The following BOC variants were observed in gnomAD, a reference collection of about 807,000 sequenced individuals.
BOC encodes BOC cell adhesion associated, oncogene regulated, also known as brother of CDO.
A neutral mutation model predicts 112.0 loss-of-function variants in BOC; 76 were observed. That is an observed-to-expected ratio of 0.68 (90% CI 0.56 to 0.82). BOC has a LOEUF of 0.82. Ranked by LOEUF, BOC falls within the 40% of genes least tolerant of loss-of-function variation. The pLI is 0.00. For missense variants in BOC, 1,309 were observed against 1,511.7 expected (o/e 0.87, Z 2.22); for synonymous variants, 580 against 599.8 (o/e 0.97, Z 0.48).
chr3:113,258,147 A>G (rs1946431015), intron 4 of BOC, among the ~76,000 whole-genome samples: 1 of 152,218 alleles, frequency 6.6e-6, no homozygotes, highest in African/African-American at 2.4e-5. Context: ...GAATGTGTAC[A>G]AGACAACCTT....
chr3:113,258,784 C>A (rs1042943118), intron 4 of BOC, among the ~76,000 whole-genome samples: 1 of 152,198 alleles, frequency 6.6e-6, no homozygotes, highest in African/African-American at 2.4e-5. Context: ...AAAGGAGAGC[C>A]AGCTTGAAAT....
rs774317368 is a variant in BOC, at chr3:113,274,546, G to A, written c.1406G>A (p.Gly469Glu). Residue 469 changes from glycine to glutamate, a missense_variant, in exon 9 of 20, where the codon GGG becomes GAG. By Grantham distance (98) the Gly-to-Glu change is moderately conservative. Coordinates refer to ENST00000682979, the MANE Select transcript of BOC (RefSeq NM_001378074.1). This position sits in a 1 kb window ranked among gnomAD's most constrained non-coding sequence, Gnocchi z 4.8. ...CAGTGTCCAGGAGAGAAGGGGCAGG[G>A]GGCTCCCGCCGAGGCTCCCATCATC... Reference protein sequence around the residue: ...SPQCPGEKGQGAPAEAPIILS... With the variant: ...SPQCPGEKGQEAPAEAPIILS... 1.2e-6 allele frequency: 2 copies of A among 1,613,418 alleles called. No individual in the cohort carries two copies. The highest frequency in any genetic ancestry group is 2.2e-5 in the South Asian group (2 of 91,080).
At chr3:113,277,037 T>C (rs1404445848) in intron 9 of BOC, among the ~76,000 whole-genome samples, 1 of 152,212 alleles carries the variant, frequency 6.6e-6, no homozygotes. Context: ...GGAGCTCCCT[T>C]ACTTTTTCCT....
At chr3:113,250,871 C>T (rs765254842) in intron 4 of BOC, 38 bp downstream of exon 4, 24 of 1,606,462 alleles carry the variant, frequency 1.5e-5, no homozygotes, top group Non-Finnish European at 1.4e-5. Context: ...ATGGTGCGGT[C>T]CCTCCTCATC....
Position 113,287,064 on chromosome 3 carries a change from A to G in BOC, c.*202A>G, listed in dbSNP as rs1303904884. 3 of 659,818 alleles carry G rather than the reference A, an allele frequency of 4.5e-6. No individual in the cohort carries two copies. Among genetic ancestry groups the G allele is most frequent in the Non-Finnish European group, 5.3e-6 (2 of 379,828 alleles). The allele number at this position is 659,818 out of a possible 1,614,324, so 40.9% of individuals were successfully genotyped here. A position where few individuals can be genotyped will look rare whatever the true frequency, so the allele number is the denominator to read the frequency against. On this transcript the variant is annotated 3_prime_UTR_variant, in exon 20 of 20. Coordinates refer to ENST00000682979, the MANE Select transcript of BOC (RefSeq NM_001378074.1). Reference sequence around the variant, plus strand: ...CCCGTTGAGGTTGGAGAGGGAAAATAAAGAAGCTGCCACCTAACAGGAGTC... The same window carrying G: ...CCCGTTGAGGTTGGAGAGGGAAAATGAAGAAGCTGCCACCTAACAGGAGTC...
chr3:113,260,803 C>T (rs765760498), intron 4 of BOC, among the ~76,000 whole-genome samples: 15 of 138,700 alleles, frequency 1.1e-4, no homozygotes, highest in Admixed American at 5.0e-4. Flanking sequence ...GTGAACCCTA[C>T]TGTGAACTGT....
rs550532112 is a variant in BOC at position 113,283,575 on chromosome 3, G to A, written c.2599G>A (p.Val867Ile). ...LIVGVVLGSI[V>I]LIIVTFIPFC... is the part of the protein sequence containing the mutation. The stretch of plus-strand genomic sequence containing the variant: ...TGTCGGGGTCGTCCTGGGCTCCATC[G>A]TTCTCATCATCGTCACCTTCATCCC... Residue 867 changes from valine to isoleucine, a missense_variant, in exon 16 of 20, where the codon GTT becomes ATT. Transcript: ENST00000682979. 62 of 1,613,760 alleles carry A rather than the reference G, an allele frequency of 3.8e-5. No homozygotes were observed. Among genetic ancestry groups the A allele is most frequent in the South Asian group, 2.9e-4 (26 of 91,044 alleles).
At chr3:113,224,138 C>T (rs1276428038) in intron 2 of BOC, among the ~76,000 whole-genome samples, 2 of 152,232 alleles carry the variant, frequency 1.3e-5, no homozygotes, top group Admixed American at 1.3e-4. Flanking sequence ...CCTGGGCAGG[C>T]AGCGCTCTTG....
At chr3:113,227,006 C>T (rs1941774165) in intron 2 of BOC, among the ~76,000 whole-genome samples, 1 of 152,190 alleles carries the variant, frequency 6.6e-6, no homozygotes, top group Admixed American at 6.5e-5. Context: ...TTTCTCAGAT[C>T]ACAACAAGAG....
Position 113,272,640 on chromosome 3 carries a change from A to G in BOC, c.898A>G (p.Met300Val), listed in dbSNP as rs141926214. The change falls in exon 7 of 20, where the codon ATG becomes GTG. Residue 300 changes from methionine to valine, a missense_variant. By Grantham distance (21) the Met-to-Val change is conservative. Transcript: ENST00000682979. ...SEEDSGTYRC[M>V]ADNGVGQPGA... The stretch of plus-strand genomic sequence containing the variant: ...GGAGGACTCAGGCACCTACCGCTGC[A>G]TGGCCGACAATGGGGTTGGGCAGCC... 1.2e-6 allele frequency: 2 copies of G among 1,613,850 alleles called. No homozygotes were observed. Among genetic ancestry groups the G allele is most frequent in the Non-Finnish European group, 1.7e-6 (2 of 1,180,022 alleles).
chr3:113,279,142 G>A (rs928921956), intron 11 of BOC, 107 bp from the exon 12 acceptor site: 13 of 1,188,908 alleles, frequency 1.1e-5, no homozygotes, highest in African/African-American at 4.5e-5. Context: ...GAGCGGGCCC[G>A]TCAGGAGCAG....
In BOC at chr3:113,278,246, C is replaced by T; in HGVS notation, c.1694C>T (p.Thr565Ile). The T allele has an allele frequency of 6.2e-7, 1 of 1,614,202 alleles. No individual in the cohort carries two copies. The highest frequency in any genetic ancestry group is 1.1e-5 in the South Asian group (1 of 91,082). Residue 565 changes from threonine (T) to isoleucine (I), a missense_variant, in exon 10 of 20, where the codon ACC becomes ATC. Thr to Ile is a moderately conservative substitution (Grantham distance 89). Coordinates refer to ENST00000682979, the MANE Select transcript of BOC (RefSeq NM_001378074.1). This position sits in a 1 kb window ranked among gnomAD's most constrained non-coding sequence, Gnocchi z 4.2. Reference sequence around the variant, plus strand: ...GGAGAGGGCCAGACAGCCATGGTCACCTTCCGAACTGGTGAGAGTCAAACA... The same window carrying T: ...GGAGAGGGCCAGACAGCCATGGTCATCTTCCGAACTGGTGAGAGTCAAACA... ...CAGEGQTAMVTFRTGRRPKPE... is the reference protein window; with the variant it reads ...CAGEGQTAMVIFRTGRRPKPE...
intron 4 of BOC, among the ~76,000 whole-genome samples, chr3:113,265,384 G>A (rs558751707): frequency 2.5e-4 from 38 of 152,192 alleles, no homozygotes; most frequent in Admixed American, 4.6e-4. Flanking sequence ...ACCTCTTGGT[G>A]GAGTAGTTTG....
intron 2 of BOC, among the ~76,000 whole-genome samples, chr3:113,228,746 A>G (rs1282112884): frequency 1.3e-5 from 2 of 152,024 alleles, no homozygotes; most frequent in Non-Finnish European, 2.9e-5. Context: ...TATGTAGTTA[A>G]AGGGTATGAA....
chr3:113,212,918 A>G (rs1938519595), intron 1 of BOC, among the ~76,000 whole-genome samples: 1 of 152,072 alleles, frequency 6.6e-6, no homozygotes, highest in Admixed American at 6.5e-5. Flanking sequence ...GACTTTCAGG[A>G]TGTTCAGTAT....
chr3:113,266,879 G>T (rs1486274568), intron 4 of BOC, among the ~76,000 whole-genome samples: 2 of 152,198 alleles, frequency 1.3e-5, no homozygotes, highest in Non-Finnish European at 2.9e-5. Context: ...CATTACGTGG[G>T]AAGCCTCCTG....
intron 4 of BOC, chr3:113,251,495 A>G (rs113588213): frequency 1.3e-5 from 2 of 153,700 alleles, no homozygotes; most frequent in South Asian, 2.0e-4. Context: ...AAGACTTCAC[A>G]CTACCTTTTT....
In BOC at chr3:113,284,402, A is replaced by G; in HGVS notation, c.2724A>G (p.Pro908=). 1 of 1,614,192 alleles carries G rather than the reference A, an allele frequency of 6.2e-7. No homozygotes were observed. Among genetic ancestry groups the G allele is most frequent in the Non-Finnish European group, 8.5e-7 (1 of 1,180,030 alleles). Residue 908 remains proline (P), a synonymous_variant, in exon 17 of 20, where the codon CCA becomes CCG. Coordinates refer to ENST00000682979, the MANE Select transcript of BOC (RefSeq NM_001378074.1). ...LPPSCPYTMV[P]LGGLPGHQAS... Reference sequence around the variant, plus strand: ...CCTCCTGCCCGTATACTATGGTGCCATTGGGAGGACTCCCAGGCCACCAGG... The same window carrying G: ...CCTCCTGCCCGTATACTATGGTGCCGTTGGGAGGACTCCCAGGCCACCAGG...
At chr3:113,247,061 T>G (rs1945007377) in intron 2 of BOC, among the ~76,000 whole-genome samples, 1 of 152,226 alleles carries the variant, frequency 6.6e-6, no homozygotes, top group African/African-American at 2.4e-5. Context: ...GTAGCCACCG[T>G]GTGTTCAGAT....
Sources: gnomAD v4.1 joint callset for allele counts (sites outside exome capture counted in the v4.1 genomes callset) on GRCh38, gnomAD v4.1.1 for gene constraint, Gnocchi (gnomAD v3.1) non-coding constraint, MANE v1.5 for transcripts, NCBI Gene and HGNC (gene_info 2026-07-23, HGNC 2026-07-21) for gene names.